SRPK2: variants seen among roughly 807,000 people sequenced by gnomAD.
SRPK2 encodes the protein SRSF protein kinase 2, also known as SFRS protein kinase 2.
A neutral mutation model predicts 90.8 loss-of-function variants in SRPK2; 21 were observed. The ratio of observed to expected loss-of-function variants is 0.23; its 90% CI spans 0.16 to 0.33. The LOEUF (loss-of-function observed/expected upper bound fraction) is 0.33. SRPK2 is among the 10% of genes least tolerant of loss of function. SRPK2 has a pLI of 1.00. For synonymous variants in SRPK2, 288 were observed against 311.1 expected, an observed-to-expected ratio of 0.93 and a Z score of 0.78; for missense variants, 620 against 869.0, an observed-to-expected ratio of 0.71 and a Z score of 3.60.
intron 2 of SRPK2, among the ~76,000 whole-genome samples, chr7:105,314,615 C>T (rs1399758422): frequency 6.6e-6 from 1 of 152,144 alleles, no homozygotes; most frequent in Admixed American, 6.5e-5. Context: ...AACTCCTGAC[C>T]TCAGGCGATC....
chr7:105,346,284 C>G (rs1816446635), intron 2 of SRPK2, among the ~76,000 whole-genome samples: 1 of 152,172 alleles, frequency 6.6e-6, no homozygotes, highest in Non-Finnish European at 1.5e-5. Context: ...GCATTCACAA[C>G]TGCAGTATTT....
intron 2 of SRPK2, chr7:105,204,637 T>C: frequency 2.3e-6 from 2 of 881,704 alleles, no homozygotes; most frequent in Non-Finnish European, 3.4e-6. Context: ...TGAGGGTCAG[T>C]TGCCCGACAT....
chr7:105,267,303 C>A (rs1175290297), intron 2 of SRPK2, among the ~76,000 whole-genome samples: 1 of 152,146 alleles, frequency 6.6e-6, no homozygotes, highest in African/African-American at 2.4e-5. Flanking sequence ...GTAAAGAATT[C>A]ATGATATTCC....
intron 2 of SRPK2, among the ~76,000 whole-genome samples, chr7:105,280,267 T>C (rs1135957): frequency 6.6e-6 from 1 of 151,912 alleles, no homozygotes; most frequent in African/African-American, 2.4e-5. Flanking sequence ...ATACAAAAAT[T>C]AGCCGGGTGT....
At chr7:105,170,871 GAA>G (rs1563025377) in intron 3 of SRPK2, among the ~76,000 whole-genome samples, 6 of 108,146 alleles carry the variant, frequency 5.5e-5, no homozygotes, top group Non-Finnish European at 9.4e-5. Context: ...AAGAAAGAAA[GAA>G]AGAAAGAAAG....
chr7:105,365,271 G>T (rs899142520), intron 2 of SRPK2, among the ~76,000 whole-genome samples: 1 of 151,900 alleles, frequency 6.6e-6, no homozygotes, highest in Non-Finnish European at 1.5e-5. Flanking sequence ...GATCACCTGA[G>T]ATCAGGAGCT....
In SRPK2 at chr7:105,241,299, C is replaced by T. The variant is rs574820170; in HGVS notation, c.72-37514G>A. On this transcript the variant is annotated intron_variant, in intron 2 of 15. Transcript: ENST00000393651. ...GTTATGTACATTATTTCAGTTAAAG[C>T]TCAAAATGTGTATGCATTATAGAGA... Among the ~76,000 whole-genome samples, 15 of 152,228 alleles carry T rather than the reference C, an allele frequency of 9.9e-5. No individual in the cohort carries two copies. The East Asian group carries it at 2.7e-3, about 27-fold the overall frequency.
intron 7 of SRPK2, among the ~76,000 whole-genome samples, chr7:105,147,177 A>T (rs116115630): frequency 0.017 from 2,648 of 152,264 alleles, 86 homozygotes; most frequent in African/African-American, 0.06. Flanking sequence ...TACAAAATAC[A>T]TGTTAATTGG....
At chr7:105,256,070 A>C (rs770445592) in intron 2 of SRPK2, among the ~76,000 whole-genome samples, 3 of 152,238 alleles carry the variant, frequency 2.0e-5, no homozygotes, top group Non-Finnish European at 2.9e-5. Flanking sequence ...AGTGTTTGGC[A>C]TGCCTCAAAT....
intron 3 of SRPK2, among the ~76,000 whole-genome samples, chr7:105,178,028 CA>C (rs748165970): frequency 0.014 from 795 of 57,118 alleles, 1 homozygote; most frequent in East Asian, 0.029. Flanking sequence ...GACTCCGTCT[CA>C]AAAAAAAAAA....
intron 2 of SRPK2, among the ~76,000 whole-genome samples, chr7:105,280,276 G>A (rs941030627): frequency 6.6e-6 from 1 of 152,050 alleles, no homozygotes; most frequent in African/African-American, 2.4e-5. Context: ...TTAGCCGGGT[G>A]TGGTGGTGCA....
At chr7:105,179,824 C>CAGAA (rs1491128040) in intron 3 of SRPK2, among the ~76,000 whole-genome samples, 1 of 60,266 alleles carries the variant, frequency 1.7e-5, no homozygotes, top group East Asian at 5.2e-4. Flanking sequence ...GAGTCCATCT[C>CAGAA]AAAAAAAAAA....
In SRPK2 at chr7:105,385,198, T is replaced by TTTG. The variant is rs756321925; in HGVS notation, c.71+3449_71+3450insCAA. Among the ~76,000 whole-genome samples, 392 of 79,538 alleles carry TTTG rather than the reference T, an allele frequency of 4.9e-3. 35 individuals are homozygous for TTTG. Among genetic ancestry groups the TTTG allele is most frequent in the African/African-American group, 0.014 (340 of 24,392 alleles). 52.2% of individuals were successfully genotyped at this position (79,538 alleles called of 152,430 possible). Reference sequence around the variant, plus strand: ...TTTTTTTTTTTTTTTTTTTTTTTTTTGAGATGGAGTCTCGCTCTGTCGCCC... The same window carrying TTTG: ...TTTTTTTTTTTTTTTTTTTTTTTTTTTTGGAGATGGAGTCTCGCTCTGTCGCCC... On this transcript the variant is annotated intron_variant, in intron 2 of 15. Transcript: ENST00000393651.
At chr7:105,232,615 CA>C (rs11334425) in intron 2 of SRPK2, among the ~76,000 whole-genome samples, 123,928 of 151,216 alleles carry the variant, frequency 0.82, 51,331 homozygotes, top group Non-Finnish European at 0.87. Flanking sequence ...CAAAACAAAA[CA>C]AAAAAAAACA....
Position 105,169,212 on chromosome 7 carries a change from T to C in SRPK2, c.283A>G (p.Ile95Val). Residue 95 changes from isoleucine (I) to valine (V), a missense_variant, in exon 4 of 16, where the codon ATT (isoleucine) becomes GTT (valine). Ile to Val is a conservative substitution (Grantham distance 29). This residue lies in a region of SRPK2 where 196 missense variants were observed against 339.2 expected (regional missense o/e 0.58). Coordinates refer to ENST00000393651, the MANE Select transcript of SRPK2 (RefSeq NM_182692.3). ...GDLFNGRYHVIRKLGWGHFST... is the reference protein window; with the variant it reads ...GDLFNGRYHVVRKLGWGHFST... ...AAGTGCCCCCATCCAAGCTTTCTAA[T>C]AACATGATACCGGCCATTGAAGAGG... is the stretch of plus-strand genomic sequence containing the variant. 1 of 1,613,892 alleles carries C rather than the reference T, an allele frequency of 6.2e-7. No homozygotes were observed. Among genetic ancestry groups the C allele is most frequent in the Non-Finnish European group, 8.5e-7 (1 of 1,179,956 alleles).
intron 2 of SRPK2, among the ~76,000 whole-genome samples, chr7:105,228,546 C>A (rs1204234603): frequency 6.6e-6 from 1 of 152,138 alleles, no homozygotes; most frequent in Non-Finnish European, 1.5e-5. Flanking sequence ...TGGAGACGGG[C>A]GCAGTGGCTC....
intron 2 of SRPK2, among the ~76,000 whole-genome samples, chr7:105,239,558 G>A (rs534989316): frequency 6.6e-6 from 1 of 152,262 alleles, no homozygotes; most frequent in Non-Finnish European, 1.5e-5. Flanking sequence ...TGGAAGCAGG[G>A]AAACAGCCTG....
chr7:105,156,016 G>A (rs191956466), intron 7 of SRPK2, among the ~76,000 whole-genome samples: 95 of 152,274 alleles, frequency 6.2e-4, no homozygotes, highest in African/African-American at 2.3e-3. Flanking sequence ...GGGTACCTGA[G>A]GGACATCACT....
At chr7:105,348,835 A>G (rs983770909) in intron 2 of SRPK2, among the ~76,000 whole-genome samples, 2 of 152,134 alleles carry the variant, frequency 1.3e-5, no homozygotes, top group African/African-American at 4.8e-5. Flanking sequence ...AAAACAGAAA[A>G]TAAAAAATAA....
Sources: allele counts gnomAD v4.1 joint callset (sites outside exome capture counted in the v4.1 genomes callset), GRCh38; gene constraint gnomAD v4.1.1; regional missense constraint gnomAD v4.1.1; transcripts MANE v1.5; gene names NCBI Gene and HGNC (gene_info 2026-07-23, HGNC 2026-07-21).